Variants in CYB5R4 observed in about 807,000 individuals in gnomAD.
CYB5R4 encodes the protein N-terminal cytochrome b5 and cytochrome b5 oxidoreductase domain-containing protein.
In CYB5R4, 55 loss-of-function variants were observed where a neutral mutation model predicts 70.2. The observed-to-expected ratio is 0.78, with a 90% CI of 0.63 to 0.98. The LOEUF (loss-of-function observed/expected upper bound fraction) is 0.98, where lower values mean the gene tolerates loss of function less well. CYB5R4 is among the 50% of genes least tolerant of loss of function. CYB5R4 has a pLI of 0.00. For synonymous variants in CYB5R4, 197 were observed against 199.5 expected (o/e 0.99, Z 0.11); for missense variants, 562 against 612.6 (o/e 0.92, Z 0.87).
chr6:83,900,938 C>T (rs569248652), intron 3 of CYB5R4, among the ~76,000 whole-genome samples: 1 of 152,182 alleles, frequency 6.6e-6, no homozygotes, highest in Non-Finnish European at 1.5e-5. Flanking sequence ...TGTTTTGTGT[C>T]TTTTAATTGG....
At chr6:83,904,647 G>A (rs2099463486) in intron 3 of CYB5R4, among the ~76,000 whole-genome samples, 1 of 152,134 alleles carries the variant, frequency 6.6e-6, no homozygotes, top group Non-Finnish European at 1.5e-5. Flanking sequence ...CACTATTATT[G>A]TATTGGAGTT....
intron 2 of CYB5R4, among the ~76,000 whole-genome samples, chr6:83,870,867 G>A (rs2099457481): frequency 6.6e-6 from 1 of 151,932 alleles, no homozygotes; most frequent in Non-Finnish European, 1.5e-5. Flanking sequence ...TCCTAGCTGA[G>A]GTCAAAGAAG....
At chr6:83,940,622 C>A in intron 14 of CYB5R4, 21 bp downstream of exon 14, 1 of 1,586,104 alleles carries the variant, frequency 6.3e-7, no homozygotes, top group South Asian at 1.2e-5. Context: ...GATATTAGCT[C>A]TGCGTTTAGT....
At chr6:83,919,954 A>T (rs1021509060) in intron 7 of CYB5R4, among the ~76,000 whole-genome samples, 3 of 152,100 alleles carry the variant, frequency 2.0e-5, no homozygotes, top group Non-Finnish European at 4.4e-5. Context: ...TTGAAACTGA[A>T]GTTAGGGAGG....
At chr6:83,911,565 A>ATT (rs541947944) in intron 4 of CYB5R4, among the ~76,000 whole-genome samples, 144 of 150,384 alleles carry the variant, frequency 9.6e-4, no homozygotes, top group African/African-American at 3.3e-3. Context: ...AATGCTCAGC[A>ATT]TTTTTTTTTT....
At chr6:83,896,140 C>T (rs892485196) in intron 3 of CYB5R4, among the ~76,000 whole-genome samples, 2 of 152,090 alleles carry the variant, frequency 1.3e-5, no homozygotes, top group Non-Finnish European at 2.9e-5. Context: ...CCCCAGTATC[C>T]AATCACTGGC....
intron 3 of CYB5R4, among the ~76,000 whole-genome samples, chr6:83,897,802 A>T (rs1480911322): frequency 6.6e-6 from 1 of 152,178 alleles, no homozygotes; most frequent in Non-Finnish European, 1.5e-5. Context: ...GCCCTTTGTC[A>T]GATGAGAAGA....
chr6:83,936,037 TTG>T (rs2099468872), intron 11 of CYB5R4, among the ~76,000 whole-genome samples, 185 bp from the exon 12 acceptor site: 2 of 152,038 alleles, frequency 1.3e-5, no homozygotes, highest in Non-Finnish European at 1.5e-5. Context: ...TTTGTGAAAA[TTG>T]TTTCGGCACA....
intron 3 of CYB5R4, among the ~76,000 whole-genome samples, chr6:83,898,321 A>G (rs868290981): frequency 2.1e-4 from 32 of 152,166 alleles, no homozygotes; most frequent in Admixed American, 5.9e-4. Context: ...CCATTGGTCT[A>G]TATCTCTGTT....
rs1332502292 is a variant in CYB5R4 at position 83,965,459 on chromosome 6, A to G, written c.*5581A>G. 2.0e-5 allele frequency: 3 copies of G among 151,928 alleles called. No homozygotes were observed. The highest frequency in any genetic ancestry group is 4.1e-4 in the South Asian group (2 of 4,820). 9.4% of individuals were successfully genotyped at this position (151,928 alleles called of 1,614,324 possible). A position where few individuals can be genotyped will look rare whatever the true frequency, so the allele number is the denominator to read the frequency against. On this transcript the variant is annotated 3_prime_UTR_variant, in exon 16 of 16. Coordinates refer to ENST00000369681, the MANE Select transcript of CYB5R4 (RefSeq NM_016230.4). ...CCCTGTAACCCCTTTGTTTTGGCCA[A>G]TTTCTCCCATTTGGAATGGCTGTAT... is the stretch of plus-strand genomic sequence containing the variant.
At chr6:83,878,496 C>T (rs551173584) in intron 2 of CYB5R4, among the ~76,000 whole-genome samples, 131 of 152,176 alleles carry the variant, frequency 8.6e-4, no homozygotes, top group Middle Eastern at 3.4e-3. Context: ...TACAGGCACA[C>T]GCCACCACGC....
intron 7 of CYB5R4, 27 bp downstream of exon 7, chr6:83,919,481 G>A (rs2099466023): frequency 2.4e-6 from 3 of 1,242,080 alleles, no homozygotes; most frequent in South Asian, 3.0e-5. Context: ...AATCAGAAAA[G>A]AAGAAAATAA....
At chr6:83,869,203 A>T (rs996718627) in intron 2 of CYB5R4, among the ~76,000 whole-genome samples, 3 of 152,208 alleles carry the variant, frequency 2.0e-5, no homozygotes, top group East Asian at 1.9e-4. Context: ...GGATCCTAAG[A>T]AGTAGTATTT....
chr6:83,906,090 TG>T (rs777255833), intron 3 of CYB5R4, among the ~76,000 whole-genome samples: 1 of 152,034 alleles, frequency 6.6e-6, no homozygotes, highest in South Asian at 2.1e-4. Context: ...AGGCTATCAG[TG>T]GAATGCTCAG....
At chr6:83,876,571 T>G (rs1234264639) in intron 2 of CYB5R4, among the ~76,000 whole-genome samples, 2 of 151,482 alleles carry the variant, frequency 1.3e-5, no homozygotes, top group Non-Finnish European at 2.9e-5. Flanking sequence ...TTTCAAATAA[T>G]ATACTATTTC....
At chr6:83,867,585 C>T (rs2099456931) in intron 2 of CYB5R4, among the ~76,000 whole-genome samples, 2 of 152,086 alleles carry the variant, frequency 1.3e-5, no homozygotes, top group Non-Finnish European at 1.5e-5. Context: ...AGGAGGTGAA[C>T]CAGGATGTTG....
intron 4 of CYB5R4, chr6:83,910,133 A>G (rs1484612386): frequency 1.2e-6 from 2 of 1,603,528 alleles, no homozygotes; most frequent in African/African-American, 2.9e-5. Flanking sequence ...GGGCTGAGAC[A>G]TTACTTTCAA....
Position 83,864,317 on chromosome 6 carries a change from T to C in CYB5R4, c.218T>C (p.Ile73Thr). 1 of 1,611,548 alleles carries C rather than the reference T, an allele frequency of 6.2e-7. No homozygotes were observed. Among genetic ancestry groups the C allele is most frequent in the South Asian group, 1.1e-5 (1 of 90,394 alleles). Residue 73 changes from isoleucine to threonine, a missense_variant, in exon 2 of 16, where the codon ATA (isoleucine) becomes ACA (threonine). Physicochemically the swap from Ile to Thr is moderately conservative, Grantham distance 89. Transcript: ENST00000369681. ...CACAACAAAAAAGATGATTGTTGGA[T>C]ATGCATAAGAGGTAGGTGGTATTTA... ...KKHNKKDDCW[I>T]CIRGFVYNVS...
intron 3 of CYB5R4, among the ~76,000 whole-genome samples, chr6:83,899,473 G>A (rs1009492009): frequency 2.6e-5 from 4 of 152,136 alleles, no homozygotes; most frequent in Admixed American, 1.3e-4. Context: ...GATGATGCTG[G>A]CCTCATAAAA....
Sources: allele counts gnomAD v4.1 joint callset (sites outside exome capture counted in the v4.1 genomes callset), GRCh38; gene constraint gnomAD v4.1.1; transcripts MANE v1.5; gene names NCBI Gene and HGNC (gene_info 2026-07-23, HGNC 2026-07-21).